The following EPHA5 variants were observed in gnomAD, a reference collection of about 807,000 sequenced individuals.
The protein encoded by EPHA5 is ephrin type-A receptor 5.
EPHA5 carries 60 observed loss-of-function variants against 105.0 expected under a neutral mutation model. The observed-to-expected ratio is 0.57, with a 90% CI of 0.46 to 0.71. EPHA5 has a LOEUF of 0.71. Among genes scored for constraint, EPHA5 ranks in the 30% least tolerant of loss-of-function variants. EPHA5 has a pLI of 0.00. For missense variants in EPHA5, 1,218 were observed against 1,274.7 expected (o/e 0.96, Z 0.68); for synonymous variants, 513 against 449.1 (o/e 1.14, Z -1.80).
intron 7 of EPHA5, among the ~76,000 whole-genome samples, chr4:65,412,072 T>G (rs1722963313): frequency 6.6e-6 from 1 of 152,092 alleles, no homozygotes; most frequent in Admixed American, 6.6e-5. Context: ...CTATTAAAAA[T>G]GCAAACTTAG....
chr4:65,636,035 T>G (rs1443348046), intron 2 of EPHA5, among the ~76,000 whole-genome samples: 1 of 152,296 alleles, frequency 6.6e-6, no homozygotes, highest in East Asian at 1.9e-4. Flanking sequence ...GTTTTAAAAT[T>G]GATTCTAAAT....
chr4:65,486,794 G>T (rs1176911765), intron 5 of EPHA5, among the ~76,000 whole-genome samples: 1 of 152,248 alleles, frequency 6.6e-6, no homozygotes, highest in African/African-American at 2.4e-5. Flanking sequence ...CCTTTGCAGA[G>T]ATTATAACAG....
intron 13 of EPHA5, among the ~76,000 whole-genome samples, chr4:65,348,757 A>ATG (rs1553896755): frequency 2.4e-5 from 3 of 124,804 alleles, no homozygotes; most frequent in Non-Finnish European, 3.3e-5. Flanking sequence ...GCATATATAT[A>ATG]TGTGTATATA....
chr4:65,354,085 C>T (rs1162478284), intron 11 of EPHA5, among the ~76,000 whole-genome samples: 1 of 151,730 alleles, frequency 6.6e-6, no homozygotes, highest in East Asian at 1.9e-4. Context: ...TCAGTTTTCT[C>T]ATATGTAAAA....
chr4:65,498,119 C>A (rs1284920752), intron 3 of EPHA5, among the ~76,000 whole-genome samples: 1 of 151,746 alleles, frequency 6.6e-6, no homozygotes, highest in Non-Finnish European at 1.5e-5. Context: ...TGTATCCGTA[C>A]CTTAAAGGGA....
At chr4:65,347,902 G>T in intron 14 of EPHA5, 152 bp downstream of exon 14, 2 of 747,950 alleles carry the variant, frequency 2.7e-6, no homozygotes, top group Non-Finnish European at 2.0e-6. Context: ...CTGCTTAAAG[G>T]ATATTTCAAC....
intron 2 of EPHA5, among the ~76,000 whole-genome samples, chr4:65,606,820 C>T (rs770304209): frequency 7.9e-5 from 12 of 152,096 alleles, no homozygotes; most frequent in African/African-American, 2.4e-4. Context: ...AATAATATTA[C>T]GACCATCTTA....
intron 2 of EPHA5, among the ~76,000 whole-genome samples, chr4:65,617,999 T>C (rs1253389903): frequency 6.6e-6 from 1 of 152,132 alleles, no homozygotes; most frequent in African/African-American, 2.4e-5. Flanking sequence ...TGAGGCTTGA[T>C]CTAACCAGTA....
rs142633400 is a variant in EPHA5, at chr4:65,358,485, C to A, written c.2174-5382G>T. 4.8e-4 allele frequency among the ~76,000 whole-genome samples: 72 copies of A among 151,538 alleles called. 2 individuals carry two copies. In the East Asian group the frequency reaches 0.012, roughly 26 times the overall value. ...TTATCTTTGCAGCTGTTTAAAATGTCTTTTATTCTTACCCCAAAAGAAACT... is the reference window on the plus strand; with the variant it reads ...TTATCTTTGCAGCTGTTTAAAATGTATTTTATTCTTACCCCAAAAGAAACT... On this transcript the variant is annotated intron_variant, in intron 11 of 16. Transcript: ENST00000613740.
At chr4:65,624,173 T>G (rs2149480638) in intron 2 of EPHA5, among the ~76,000 whole-genome samples, 1 of 152,202 alleles carries the variant, frequency 6.6e-6, no homozygotes, top group South Asian at 2.1e-4. Context: ...TATTTAGAGA[T>G]TTATGATAAT....
chr4:65,608,305 C>T (rs1177472796), intron 2 of EPHA5, among the ~76,000 whole-genome samples: 1 of 152,014 alleles, frequency 6.6e-6, no homozygotes. Context: ...GAGATCGAGA[C>T]CATCCTGACT....
At chr4:65,629,530 T>C (rs536191734) in intron 2 of EPHA5, among the ~76,000 whole-genome samples, 1 of 152,190 alleles carries the variant, frequency 6.6e-6, no homozygotes, top group Admixed American at 6.6e-5. Context: ...TTTAGAAATA[T>C]AGTGGACATT....
intron 8 of EPHA5, among the ~76,000 whole-genome samples, chr4:65,380,001 T>C (rs111723383): frequency 7.2e-5 from 11 of 151,888 alleles, no homozygotes; most frequent in African/African-American, 2.6e-4. Context: ...CATCAGATGG[T>C]ATAAAAAACA....
intron 3 of EPHA5, among the ~76,000 whole-genome samples, chr4:65,521,330 C>T (rs1025222545): frequency 5.9e-5 from 9 of 151,964 alleles, no homozygotes; most frequent in African/African-American, 1.7e-4. Context: ...ACAATGAGAA[C>T]CCTTGGACAC....
chr4:65,382,445 G>C (rs1260058799), intron 8 of EPHA5, among the ~76,000 whole-genome samples: 2 of 151,700 alleles, frequency 1.3e-5, no homozygotes, highest in African/African-American at 4.8e-5. Context: ...AAACGTGTTA[G>C]ATACAATTTG....
intron 8 of EPHA5, among the ~76,000 whole-genome samples, chr4:65,379,041 A>G (rs1274146251): frequency 1.3e-5 from 2 of 151,852 alleles, no homozygotes; most frequent in Non-Finnish European, 2.9e-5. Context: ...TTTCCTAACA[A>G]AACACAAATA....
chr4:65,649,335 T>C (rs1486150628), intron 1 of EPHA5, among the ~76,000 whole-genome samples: 2 of 152,080 alleles, frequency 1.3e-5, no homozygotes, highest in Non-Finnish European at 2.9e-5. Context: ...TCCCTGGACA[T>C]CCAAAGACTC....
In EPHA5 at chr4:65,601,845, C is replaced by G. The variant is rs1237963710; in HGVS notation, c.706G>C (p.Val236Leu). 3 of 1,614,032 alleles carry G rather than the reference C, an allele frequency of 1.9e-6. No homozygotes were observed. The highest frequency in any genetic ancestry group is 2.5e-6 in the Non-Finnish European group (3 of 1,180,024). ...GGGAAGACAGCCAAGTGTCGTACCA[C>G]AGAAGGGCATTTTTTATAGTATACA... is the stretch of plus-strand genomic sequence containing the variant. ...VRVYYKKCPS[V>L]VRHLAVFPDT... Residue 236 changes from valine (V) to leucine (L), a missense_variant, in exon 3 of 17, where the codon GTG becomes CTG. Val to Leu is a conservative substitution (Grantham distance 32). This residue lies in a region of EPHA5 where 971 missense variants were observed against 1,013.5 expected (regional missense o/e 0.96). Coordinates refer to ENST00000613740, the MANE Select transcript of EPHA5 (RefSeq NM_001281766.3).
chr4:65,401,099 G>A (rs1419989315), intron 8 of EPHA5, among the ~76,000 whole-genome samples: 1 of 151,668 alleles, frequency 6.6e-6, no homozygotes. Context: ...TCATGTTTTA[G>A]CACAGAGAGA....
Sources: allele counts gnomAD v4.1 joint callset (sites outside exome capture counted in the v4.1 genomes callset), GRCh38; gene constraint gnomAD v4.1.1; regional missense constraint gnomAD v4.1.1; transcripts MANE v1.5; gene names NCBI Gene and HGNC (gene_info 2026-07-23, HGNC 2026-07-21).